TDRD9: variants seen among roughly 807,000 people sequenced by gnomAD.
TDRD9 encodes ATP-dependent RNA helicase TDRD9.
A neutral mutation model predicts 172.6 loss-of-function variants in TDRD9; 124 were observed. The observed-to-expected ratio is 0.72, with a 90% CI of 0.62 to 0.83. The LOEUF is 0.83. Among genes scored for constraint, TDRD9 ranks in the 40% least tolerant of loss-of-function variants. TDRD9 has a pLI of 0.00. For synonymous variants in TDRD9, 619 were observed against 617.1 expected, an observed-to-expected ratio of 1.00 and a Z score of -0.05; for missense variants, 1,479 against 1,714.1, an observed-to-expected ratio of 0.86 and a Z score of 2.42.
At chr14:104,025,275 C>T (rs1056012654) in intron 25 of TDRD9, among the ~76,000 whole-genome samples, 1 of 152,202 alleles carries the variant, frequency 6.6e-6, no homozygotes, top group East Asian at 1.9e-4. Context: ...AGCCACTGTG[C>T]CCCGCCGAAA....
chr14:103,951,129 TA>T (rs1228598928), intron 1 of TDRD9, among the ~76,000 whole-genome samples: 4 of 152,196 alleles, frequency 2.6e-5, no homozygotes, highest in Admixed American at 2.6e-4. Flanking sequence ...CTTTCCTTGT[TA>T]AAAAACCAAC....
chr14:103,961,737 GACCACGTAACTTTGATTC>G (rs2032522172), intron 2 of TDRD9, among the ~76,000 whole-genome samples: 1 of 152,124 alleles, frequency 6.6e-6, no homozygotes, highest in South Asian at 2.1e-4. Flanking sequence ...TGAGAACAGG[GACCACGTAACTTTGATTC>G]AAATGTGGGA....
At chr14:104,031,472 T>TC (rs1417277038) in intron 29 of TDRD9, among the ~76,000 whole-genome samples, 3 of 148,886 alleles carry the variant, frequency 2.0e-5, no homozygotes, top group Admixed American at 6.7e-5. Context: ...TGACTAGTTT[T>TC]TTTTTTTTTT....
intron 1 of TDRD9, 60 bp downstream of exon 1, chr14:103,928,784 G>A: frequency 1.8e-6 from 1 of 548,276 alleles, no homozygotes. Flanking sequence ...TGGCGACGAG[G>A]GCACGGGCCA....
chr14:103,975,050 G>A (rs895682022), intron 6 of TDRD9, among the ~76,000 whole-genome samples: 37 of 152,144 alleles, frequency 2.4e-4, no homozygotes, highest in African/African-American at 8.7e-4. Flanking sequence ...GGGATTATAG[G>A]TGTGAGCCAC....
intron 25 of TDRD9, among the ~76,000 whole-genome samples, chr14:104,025,140 C>T (rs1266523899): frequency 6.6e-6 from 1 of 152,154 alleles, no homozygotes; most frequent in Non-Finnish European, 1.5e-5. Flanking sequence ...TGCCACCATG[C>T]CCGGGTAATT....
chr14:103,973,489 C>T (rs1436883089), intron 6 of TDRD9, among the ~76,000 whole-genome samples: 1 of 152,172 alleles, frequency 6.6e-6, no homozygotes, highest in Admixed American at 6.5e-5. Flanking sequence ...GGACTCAGCT[C>T]AGGCCCACTC....
chr14:104,037,429 A>G (rs1169388442), intron 32 of TDRD9, among the ~76,000 whole-genome samples: 2 of 152,214 alleles, frequency 1.3e-5, no homozygotes, highest in Admixed American at 1.3e-4. Flanking sequence ...CTCTGGGTAA[A>G]GTCTGTTCTC....
intron 1 of TDRD9, among the ~76,000 whole-genome samples, chr14:103,932,497 G>C (rs1447646914): frequency 1.3e-5 from 2 of 152,064 alleles, no homozygotes; most frequent in South Asian, 2.1e-4. Flanking sequence ...ACACCATTCT[G>C]CTGCCTCAGC....
At chr14:103,970,083 G>A (rs1213790975) in intron 5 of TDRD9, among the ~76,000 whole-genome samples, 1 of 152,158 alleles carries the variant, frequency 6.6e-6, no homozygotes, top group Admixed American at 6.5e-5. Flanking sequence ...ATGGCTCCCG[G>A]TCAGTGTTAG....
intron 1 of TDRD9, among the ~76,000 whole-genome samples, chr14:103,931,142 A>C (rs565545394): frequency 1.7e-4 from 26 of 152,072 alleles, no homozygotes; most frequent in African/African-American, 3.6e-4. Context: ...CAAAAAAAAA[A>C]ACAAAAATTT....
chr14:104,002,929 C>T (rs2034310868), intron 13 of TDRD9, among the ~76,000 whole-genome samples: 1 of 151,996 alleles, frequency 6.6e-6, no homozygotes, highest in Non-Finnish European at 1.5e-5. Flanking sequence ...CAGGGTTTCA[C>T]CATGTTGGCC....
chr14:104,026,083 G>T lies in TDRD9; in HGVS notation c.2968G>T (p.Asp990Tyr), dbSNP rs762825239. ...FVDYGNKSHV[D>Y]LHLLMEIPCQ... ...AGATTATGGCAATAAGTCTCATGTA[G>T]ATCTACATCTTTTGATGGAGATTCC... Residue 990 changes from aspartate (D) to tyrosine (Y), a missense_variant, in exon 27 of 36, where the codon GAT becomes TAT. Physicochemically the swap from Asp to Tyr is radical, Grantham distance 160. Around this residue, in one of 3 missense-constraint regions of TDRD9, gnomAD observed 1,413 missense variants for 1,649.1 expected, o/e 0.86. Coordinates refer to ENST00000409874, the MANE Select transcript of TDRD9 (RefSeq NM_153046.3). The T allele has an allele frequency of 3.7e-5, 59 of 1,611,528 alleles. No homozygotes were observed. The highest frequency in any genetic ancestry group is 3.3e-4 in the Middle Eastern group (2 of 6,082).
chr14:104,049,106 GTATGTATGTA>G (rs1355984474), intron 34 of TDRD9, among the ~76,000 whole-genome samples: 1 of 50,036 alleles, frequency 2.0e-5, no homozygotes, highest in African/African-American at 4.9e-5. Context: ...TGGTATGTAT[GTATGTATGTA>G]TGTATGTGTG....
intron 2 of TDRD9, 79 bp downstream of exon 2, chr14:103,955,849 C>A: frequency 8.3e-7 from 1 of 1,206,194 alleles, no homozygotes; most frequent in Non-Finnish European, 1.2e-6. Context: ...ATAGTGCATG[C>A]CTGTAATTCC....
chr14:103,998,585 A>T (rs770031539), intron 12 of TDRD9, 39 bp from the exon 13 acceptor site: 1 of 1,058,680 alleles, frequency 9.4e-7, no homozygotes, highest in Non-Finnish European at 1.5e-6. Flanking sequence ...ATGATCTCTT[A>T]TTAGCATGGT....
At position 104,011,257 on chromosome 14, in the gene TDRD9, ATTGCTCGG is replaced by A. The variant is rs2034603769; in HGVS notation, c.2106+2794_2106+2801del. On this transcript the variant is annotated intron_variant, in intron 20 of 35. Transcript: ENST00000409874. ...TGTTTGTAATGTTTTCTCCCAAAAC[ATTGCTCGG>A]TTCTGATTGCCAATATTTTCTCTAG... 3.9e-5 allele frequency among the ~76,000 whole-genome samples: 6 copies of A among 152,292 alleles called. No homozygotes were observed. The South Asian group carries it at 1.2e-3, about 32-fold the overall frequency.
At chr14:103,941,142 T>A in intron 1 of TDRD9, 1 of 1,443,234 alleles carries the variant, frequency 6.9e-7, no homozygotes, top group Non-Finnish European at 9.3e-7. Flanking sequence ...GTTTAGAACA[T>A]TTTTTGTTAT....
intron 1 of TDRD9, among the ~76,000 whole-genome samples, chr14:103,936,101 A>G (rs1283523158): frequency 2.0e-5 from 3 of 152,154 alleles, no homozygotes; most frequent in South Asian, 2.1e-4. Context: ...TATTATTTTC[A>G]GATGGGGTCT....
Sources: gnomAD v4.1 joint callset for allele counts (sites outside exome capture counted in the v4.1 genomes callset) on GRCh38, gnomAD v4.1.1 for gene constraint, gnomAD v4.1.1 regional missense constraint, MANE v1.5 for transcripts, NCBI Gene and HGNC (gene_info 2026-07-23, HGNC 2026-07-21) for gene names.